Variants in IKZF2 observed in about 807,000 individuals in gnomAD.
IKZF2 encodes the protein zinc finger protein Helios.
IKZF2 carries 15 observed loss-of-function variants against 49.2 expected under a neutral mutation model. That is an observed-to-expected ratio of 0.30 (90% confidence interval 0.20 to 0.47). The LOEUF is 0.47. IKZF2 is among the 20% of genes least tolerant of loss of function. IKZF2 has a pLI of 1.00. For missense variants in IKZF2, 567 were observed against 664.6 expected, an observed-to-expected ratio of 0.85 and a Z score of 1.61; for synonymous variants, 227 against 221.4, an observed-to-expected ratio of 1.03 and a Z score of -0.23.
At chr2:213,057,960 CAG>C (rs1032286836) in intron 4 of IKZF2, among the ~76,000 whole-genome samples, 2 of 152,124 alleles carry the variant, frequency 1.3e-5, no homozygotes, top group African/African-American at 4.8e-5. Flanking sequence ...GGATTGCTGA[CAG>C]AGTCTTTTCA....
At chr2:213,022,528 G>C (rs1228688689) in intron 6 of IKZF2, among the ~76,000 whole-genome samples, 1 of 151,750 alleles carries the variant, frequency 6.6e-6, no homozygotes, top group Non-Finnish European at 1.5e-5. Flanking sequence ...TTTCGGGTAA[G>C]GGCAGAGAAT....
intron 8 of IKZF2, among the ~76,000 whole-genome samples, 176 bp from the exon 9 acceptor site, chr2:213,008,260 ATTT>A (rs202029776): frequency 1.4e-5 from 2 of 144,684 alleles, no homozygotes; most frequent in African/African-American, 2.5e-5. Context: ...GCTCACACAC[ATTT>A]TTTTTTTTTT....
rs1022457216 is a variant in IKZF2, at chr2:213,007,500, G to A, written c.1441C>T (p.Leu481=). The change falls in exon 9 of 9, where the codon CTA becomes TTA. Residue 481 remains leucine, a synonymous_variant. Transcript: ENST00000434687. The part of the protein sequence containing the change: ...FKCEHCRVLF[L]DHVMYTIHMG... ...TGAATGGTGTACATGACATGGTCTA[G>A]GAAAAGGACTCGGCAGTGCTCACAC... 5.0e-6 allele frequency: 8 copies of A among 1,613,734 alleles called. No homozygotes were observed. The highest frequency in any genetic ancestry group is 6.8e-6 in the Non-Finnish European group (8 of 1,179,726).
At chr2:213,033,129 T>C (rs1166410576) in intron 6 of IKZF2, among the ~76,000 whole-genome samples, 2 of 152,246 alleles carry the variant, frequency 1.3e-5, no homozygotes, top group Non-Finnish European at 2.9e-5. Context: ...TCTTTGCCCA[T>C]TGTAAGAAGC....
At chr2:213,089,285 T>A (rs1311050389) in intron 4 of IKZF2, among the ~76,000 whole-genome samples, 1 of 152,174 alleles carries the variant, frequency 6.6e-6, no homozygotes, top group Non-Finnish European at 1.5e-5. Context: ...CCACCCCCAC[T>A]GCTCCTGCTC....
intron 4 of IKZF2, among the ~76,000 whole-genome samples, chr2:213,130,912 A>G (rs2060456193): frequency 1.3e-5 from 2 of 152,184 alleles, no homozygotes; most frequent in Admixed American, 1.3e-4. Flanking sequence ...ATCTGTTACA[A>G]TGTAAACAAA....
chr2:213,121,592 G>C (rs2060059307), intron 4 of IKZF2, among the ~76,000 whole-genome samples: 1 of 152,144 alleles, frequency 6.6e-6, no homozygotes, highest in Non-Finnish European at 1.5e-5. Flanking sequence ...GGACCATTAT[G>C]AAATGTTTGT....
chr2:213,147,787 C>T lies in IKZF2; in HGVS notation c.60G>A (p.Arg20=). ...GGTCAATTGCCATATTGGAGTGCTC[C>T]CTTTCGGGTGAAAGCTCATTGTCAC... The part of the protein sequence containing the change: ...ITCDNELSPE[R]EHSNMAIDLT... The change falls in exon 4 of 9, where the codon AGG becomes AGA. Residue 20 remains arginine, a synonymous_variant. Transcript: ENST00000434687. 6.2e-7 allele frequency: 1 copy of T among 1,613,590 alleles called. No homozygotes were observed. The highest frequency in any genetic ancestry group is 8.5e-7 in the Non-Finnish European group (1 of 1,179,564).
intron 4 of IKZF2, among the ~76,000 whole-genome samples, chr2:213,123,371 T>C (rs1459275080): frequency 6.6e-6 from 1 of 152,226 alleles, no homozygotes; most frequent in Non-Finnish European, 1.5e-5. Context: ...GTCAAAATTG[T>C]ATATGTAAAT....
chr2:213,013,092 T>C (rs1010562103), intron 8 of IKZF2, among the ~76,000 whole-genome samples: 3 of 151,956 alleles, frequency 2.0e-5, no homozygotes, highest in African/African-American at 7.2e-5. Flanking sequence ...ATATATGATA[T>C]TTAATCTTTT....
chr2:213,147,290 C>G, intron 4 of IKZF2: 1 of 318,648 alleles, frequency 3.1e-6, no homozygotes, highest in Non-Finnish European at 5.7e-6. Flanking sequence ...GCAAGTAACA[C>G]TGTAATTTTA....
intron 4 of IKZF2, among the ~76,000 whole-genome samples, chr2:213,124,248 G>A (rs1410671780): frequency 8.7e-5 from 10 of 115,494 alleles, no homozygotes; most frequent in East Asian, 2.5e-4. Context: ...GCTCGCGCGC[G>A]CGCGCACACA....
intron 4 of IKZF2, among the ~76,000 whole-genome samples, chr2:213,122,775 T>C (rs2060101515): frequency 6.6e-6 from 1 of 152,204 alleles, no homozygotes; most frequent in Admixed American, 6.5e-5. Flanking sequence ...AAATCTAGCC[T>C]AGATAATCAA....
Position 213,022,044 on chromosome 2 carries a change from A to G in IKZF2, c.661T>C (p.Tyr221His), listed in dbSNP as rs375077090. The change falls in exon 7 of 9, where the codon TAT (tyrosine) becomes CAT (histidine). Residue 221 changes from tyrosine to histidine, a missense_variant. Tyr to His is a moderately conservative substitution (Grantham distance 83). Around this residue, in one of 5 missense-constraint regions of IKZF2, gnomAD observed 310 missense variants for 326.9 expected, o/e 0.95. Transcript: ENST00000434687. ...LEEHKERCHN[Y>H]LQNVSMEAAG... ...GCCTCCATGCTGACATTCTGGAGAT[A>G]GTTGTGGCAGCGTTCCTTGTGCTCC... The G allele has an allele frequency of 6.2e-6, 10 of 1,613,744 alleles. No individual in the cohort carries two copies. In the African/African-American group the frequency reaches 1.2e-4, roughly 19 times the overall value.
chr2:213,044,660 T>C (rs933169598), intron 6 of IKZF2, among the ~76,000 whole-genome samples: 2 of 152,166 alleles, frequency 1.3e-5, no homozygotes, highest in Non-Finnish European at 2.9e-5. Context: ...CTGATGGCCC[T>C]AAGGAGCACA....
intron 7 of IKZF2, among the ~76,000 whole-genome samples, chr2:213,021,029 A>G (rs2125103817): frequency 6.6e-6 from 1 of 152,258 alleles, no homozygotes; most frequent in African/African-American, 2.4e-5. Context: ...CCTGGCCAAC[A>G]TGGCGAAACC....
At chr2:213,128,502 C>G (rs1000880400) in intron 4 of IKZF2, among the ~76,000 whole-genome samples, 1 of 152,172 alleles carries the variant, frequency 6.6e-6, no homozygotes, top group South Asian at 2.1e-4. Flanking sequence ...GACTCCAAAC[C>G]AGGTCTATGT....
At chr2:213,052,171 A>C (rs1328530532) in intron 5 of IKZF2, among the ~76,000 whole-genome samples, 2 of 152,020 alleles carry the variant, frequency 1.3e-5, no homozygotes, top group Non-Finnish European at 2.9e-5. Flanking sequence ...ATAAGAAATT[A>C]CTTCTGAATT....
At chr2:213,125,474 T>C (rs2060227288) in intron 4 of IKZF2, among the ~76,000 whole-genome samples, 1 of 152,184 alleles carries the variant, frequency 6.6e-6, no homozygotes, top group South Asian at 2.1e-4. Context: ...CCCATTCAGA[T>C]GAACCAAAAT....
Sources: gnomAD v4.1 joint callset for allele counts (sites outside exome capture counted in the v4.1 genomes callset) on GRCh38, gnomAD v4.1.1 for gene constraint, gnomAD v4.1.1 regional missense constraint, MANE v1.5 for transcripts, NCBI Gene and HGNC (gene_info 2026-07-23, HGNC 2026-07-21) for gene names.